The following UNC13C variants were observed in gnomAD, a reference collection of about 807,000 sequenced individuals.
UNC13C encodes protein unc-13 homolog C.
A neutral mutation model predicts 245.4 loss-of-function variants in UNC13C; 174 were observed. That is an observed-to-expected ratio of 0.71 (90% CI 0.63 to 0.80). UNC13C has a LOEUF of 0.80. UNC13C is among the 30% of genes least tolerant of loss of function. The pLI is 0.00. For missense variants in UNC13C, 2,829 were observed against 2,602.9 expected (o/e 1.09, Z -1.89); for synonymous variants, 992 against 895.1 (o/e 1.11, Z -1.93).
Position 54,076,623 on chromosome 15 carries a change from C to T in UNC13C, c.2983+60737C>T, listed in dbSNP as rs184321059. 5.4e-3 allele frequency among the ~76,000 whole-genome samples: 607 copies of T among 113,320 alleles called. 1 individual carries two copies. The highest frequency in any genetic ancestry group is 0.015 in the African/African-American group (593 of 38,752). The allele number at this position is 113,320 out of a possible 152,430, so 74.3% of individuals were successfully genotyped here. A position where few individuals can be genotyped will look rare whatever the true frequency, so the allele number is the denominator to read the frequency against. On this transcript the variant is annotated intron_variant, in intron 2 of 32. Transcript: ENST00000260323. ...GTAGTGGAAATAGAATAGGAGGTTG[C>T]TGGCAGAGTGATAGTTAGTCTCTAT...
the UNC13C span, among the ~76,000 whole-genome samples, chr15:53,878,370 C>CCTTG: frequency 6.6e-6 from 1 of 152,112 alleles, no homozygotes; most frequent in Non-Finnish European, 1.5e-5. Context: ...TTTTCTTTTA[C>CCTTG]CTTGATCAAC....
At chr15:53,985,601 C>T (rs189628524) in intron 1 of UNC13C, among the ~76,000 whole-genome samples, 8 of 152,100 alleles carry the variant, frequency 5.3e-5, no homozygotes, top group African/African-American at 1.9e-4. Flanking sequence ...CTGTGGTGAA[C>T]ATGAATGTCA....
chr15:54,329,693 A>G (rs983126718), intron 14 of UNC13C, among the ~76,000 whole-genome samples: 63 of 152,140 alleles, frequency 4.1e-4, no homozygotes, highest in Non-Finnish European at 1.3e-4. Flanking sequence ...TGAAAATTCA[A>G]TCAGCAGCAT....
At chr15:54,040,429 C>G (rs1025350362) in intron 2 of UNC13C, among the ~76,000 whole-genome samples, 8 of 152,018 alleles carry the variant, frequency 5.3e-5, no homozygotes, top group African/African-American at 1.9e-4. Context: ...CAGGCCCCAC[C>G]CCAGACCTAC....
At chr15:54,608,898 G>A (rs1229187467) in intron 30 of UNC13C, among the ~76,000 whole-genome samples, 2 of 152,200 alleles carry the variant, frequency 1.3e-5, no homozygotes, top group African/African-American at 4.8e-5. Context: ...GATCAGAGCA[G>A]TACATTACCA....
intron 2 of UNC13C, among the ~76,000 whole-genome samples, chr15:54,132,093 G>A (rs1314799636): frequency 8.7e-4 from 3 of 3,446 alleles, no homozygotes; most frequent in East Asian, 0.01. Flanking sequence ...TTTTGACAGC[G>A]TCTTGCTCTG....
intron 4 of UNC13C, among the ~76,000 whole-genome samples, chr15:54,145,373 A>G (rs2032210478): frequency 6.6e-6 from 1 of 152,164 alleles, no homozygotes; most frequent in Non-Finnish European, 1.5e-5. Context: ...ATATATATGT[A>G]TCGTTTTTAT....
intron 4 of UNC13C, among the ~76,000 whole-genome samples, chr15:54,170,235 A>G (rs1462937609): frequency 1.3e-5 from 2 of 152,130 alleles, no homozygotes; most frequent in Admixed American, 1.3e-4. Context: ...AAGCATTTGT[A>G]TATGAGAAAT....
intron 4 of UNC13C, among the ~76,000 whole-genome samples, chr15:54,194,826 C>G (rs952464881): frequency 1.3e-5 from 2 of 151,884 alleles, no homozygotes; most frequent in Non-Finnish European, 2.9e-5. Context: ...ATATTAGGTA[C>G]AAAAATTTAA....
At chr15:54,165,627 CAT>C (rs2033137700) in intron 4 of UNC13C, among the ~76,000 whole-genome samples, 1 of 151,914 alleles carries the variant, frequency 6.6e-6, no homozygotes, top group Non-Finnish European at 1.5e-5. Flanking sequence ...AATAATATAA[CAT>C]AATTTATTTA....
chr15:54,525,472 A>C, intron 24 of UNC13C, 77 bp from the exon 25 acceptor site: 1 of 1,042,000 alleles, frequency 9.6e-7, no homozygotes, highest in Non-Finnish European at 1.4e-6. Flanking sequence ...CCATATAATA[A>C]TCAAAATGCT....
At chr15:54,257,501 C>T (rs1036477516) in intron 8 of UNC13C, among the ~76,000 whole-genome samples, 4 of 152,140 alleles carry the variant, frequency 2.6e-5, no homozygotes, top group African/African-American at 7.2e-5. Flanking sequence ...ATGGTACAGG[C>T]AGAAGAGAAA....
rs560032385 is a variant in UNC13C at position 54,063,490 on chromosome 15, C to T, written c.2983+47604C>T. ...ATCCCTCCTAGGAGTCATCAGCTCTCGGTAAAGGATAGTGGTTATTTGATT... is the reference window on the plus strand; with the variant it reads ...ATCCCTCCTAGGAGTCATCAGCTCTTGGTAAAGGATAGTGGTTATTTGATT... On this transcript the variant is annotated intron_variant, in intron 2 of 32. Coordinates refer to ENST00000260323, the MANE Select transcript of UNC13C (RefSeq NM_001080534.3). Among the ~76,000 whole-genome samples the T allele has an allele frequency of 1.1e-4, 17 of 152,078 alleles. No homozygotes were observed. The South Asian group carries it at 2.9e-3, about 26-fold the overall frequency.
chr15:54,363,678 G>T (rs2039289021), intron 17 of UNC13C, among the ~76,000 whole-genome samples: 1 of 152,094 alleles, frequency 6.6e-6, no homozygotes, highest in Non-Finnish European at 1.5e-5. Context: ...TAATTGGAGG[G>T]GTGAGACTGG....
intron 19 of UNC13C, among the ~76,000 whole-genome samples, chr15:54,426,842 T>C (rs2040769868): frequency 6.6e-6 from 1 of 151,724 alleles, no homozygotes; most frequent in Non-Finnish European, 1.5e-5. Context: ...GTTGTGAGGA[T>C]TAAATTAGGT....
At chr15:54,028,762 C>T (rs543366698) in intron 2 of UNC13C, among the ~76,000 whole-genome samples, 90 of 128,178 alleles carry the variant, frequency 7.0e-4, no homozygotes, top group African/African-American at 2.6e-3. Flanking sequence ...CCAATCTTGG[C>T]TCACCGCAAG....
chr15:54,140,371 C>T (rs1350560378), intron 2 of UNC13C, among the ~76,000 whole-genome samples: 2 of 151,942 alleles, frequency 1.3e-5, no homozygotes, highest in African/African-American at 2.4e-5. Flanking sequence ...TTAGTCATCT[C>T]CTATATTTCA....
chr15:54,426,277 G>T (rs918901602), intron 19 of UNC13C, among the ~76,000 whole-genome samples: 1 of 149,600 alleles, frequency 6.7e-6, no homozygotes, highest in Non-Finnish European at 1.5e-5. Flanking sequence ...ACAGGACTTG[G>T]CCTCATCTGA....
At chr15:54,058,216 A>C (rs1428793504) in intron 2 of UNC13C, among the ~76,000 whole-genome samples, 1 of 152,162 alleles carries the variant, frequency 6.6e-6, no homozygotes, top group Admixed American at 6.5e-5. Flanking sequence ...GACAACTAGC[A>C]AGACTAATAA....
Sources: gnomAD v4.1 joint callset for allele counts (sites outside exome capture counted in the v4.1 genomes callset) on GRCh38, gnomAD v4.1.1 for gene constraint, MANE v1.5 for transcripts, NCBI Gene and HGNC (gene_info 2026-07-23, HGNC 2026-07-21) for gene names.